The following DCK variants were observed in gnomAD, a reference collection of about 807,000 sequenced individuals.
DCK encodes the protein deoxyadenosine kinase.
In DCK, 23 loss-of-function variants were observed where a neutral mutation model predicts 38.3. The observed-to-expected ratio is 0.60, with a 90% CI of 0.43 to 0.85. The LOEUF is 0.85. DCK is among the 40% of genes least tolerant of loss of function. The probability of loss-of-function intolerance (pLI) is 0.00; values close to 1 mark genes in which losing one functional copy is unlikely to be tolerated. For synonymous variants in DCK, 108 were observed against 100.6 expected (o/e 1.07, Z -0.44); for missense variants, 259 against 304.4 (o/e 0.85, Z 1.11).
chr4:71,025,036 TTGTA>T (rs1740513115), intron 4 of DCK, among the ~76,000 whole-genome samples: 3 of 152,050 alleles, frequency 2.0e-5, no homozygotes, highest in Admixed American at 1.3e-4. Flanking sequence ...GAAACACAGT[TTGTA>T]TGCTGCCATG....
At chr4:71,013,930 G>A (rs1172068153) in intron 2 of DCK, among the ~76,000 whole-genome samples, 1 of 152,096 alleles carries the variant, frequency 6.6e-6, no homozygotes, top group Non-Finnish European at 1.5e-5. Flanking sequence ...AAATGTAAAT[G>A]GGCTAAATAC....
chr4:71,009,482 T>G (rs946615244), intron 2 of DCK, among the ~76,000 whole-genome samples: 1 of 152,252 alleles, frequency 6.6e-6, no homozygotes, highest in Non-Finnish European at 1.5e-5. Flanking sequence ...TAAGACTTAA[T>G]GGCTTTCTGA....
intron 2 of DCK, among the ~76,000 whole-genome samples, chr4:71,013,793 C>A (rs1740166660): frequency 6.6e-6 from 1 of 152,172 alleles, no homozygotes; most frequent in Non-Finnish European, 1.5e-5. Flanking sequence ...CGGTACCAGC[C>A]ACTGCAAAAA....
In DCK at chr4:70,993,867, C is replaced by T. The variant is rs1401813706; in HGVS notation, c.32C>T (p.Ser11Phe). 6.2e-7 allele frequency: 1 copy of T among 1,614,000 alleles called. No individual in the cohort carries two copies. Among genetic ancestry groups the T allele is most frequent in the Non-Finnish European group, 8.5e-7 (1 of 1,179,892 alleles). Residue 11 changes from serine to phenylalanine, a missense_variant, in exon 1 of 7, where the codon TCT becomes TTT. Ser to Phe is a radical substitution (Grantham distance 155). Around this residue, in one of 3 missense-constraint regions of DCK, gnomAD observed 159 missense variants for 159.0 expected, o/e 1.00. Transcript: ENST00000286648. Reference protein sequence around the residue: MATPPKRSCPSFSASSEGTRI... With the variant: MATPPKRSCPFFSASSEGTRI... Reference sequence around the variant, plus strand: ...ACCCCGCCCAAGAGAAGCTGCCCGTCTTTCTCAGCCAGCTCTGAGGGGACC... The same window carrying T: ...ACCCCGCCCAAGAGAAGCTGCCCGTTTTTCTCAGCCAGCTCTGAGGGGACC...
intron 2 of DCK, among the ~76,000 whole-genome samples, chr4:71,001,507 T>A (rs1739800173): frequency 6.6e-6 from 1 of 152,160 alleles, no homozygotes; most frequent in African/African-American, 2.4e-5. Context: ...CCTCAAAAAA[T>A]GAGTTAGGGA....
chr4:71,023,413 G>A, intron 3 of DCK, 146 bp from the exon 4 acceptor site: 2 of 578,558 alleles, frequency 3.5e-6, no homozygotes, highest in South Asian at 5.3e-5. Context: ...CCAAAAACAT[G>A]ATGGAAAGAC....
chr4:71,006,448 G>A (rs1356914878), intron 2 of DCK: 1 of 183,656 alleles, frequency 5.4e-6, no homozygotes, highest in Non-Finnish European at 1.0e-5. Context: ...GCCAGGTGTG[G>A]TGGTTTATGC....
At position 71,017,392 on chromosome 4, in the gene DCK, C is replaced by G. The variant is rs558856100; in HGVS notation, c.208-4975C>G. Among the ~76,000 whole-genome samples, 40 of 152,246 alleles carry G rather than the reference C, an allele frequency of 2.6e-4. No individual in the cohort carries two copies. The East Asian group carries it at 7.2e-3, about 27-fold the overall frequency. On this transcript the variant is annotated intron_variant, in intron 2 of 6. Coordinates refer to ENST00000286648, the MANE Select transcript of DCK (RefSeq NM_000788.3). ...GTGGTGATTCCTCAAGGATCTAGAA[C>G]TAGAAATACCATTTGACCCAGCCAT...
chr4:71,024,838 T>C (rs962772152), intron 4 of DCK, among the ~76,000 whole-genome samples: 1 of 152,100 alleles, frequency 6.6e-6, no homozygotes. Context: ...TTAGCAAATA[T>C]AATAATTTTG....
At chr4:71,015,935 T>C (rs1740250780) in intron 2 of DCK, among the ~76,000 whole-genome samples, 2 of 152,056 alleles carry the variant, frequency 1.3e-5, no homozygotes, top group African/African-American at 4.8e-5. Context: ...CTGGCCAGGG[T>C]AATCAGGTAG....
At chr4:70,994,867 G>A (rs963394177) in intron 1 of DCK, among the ~76,000 whole-genome samples, 1 of 152,136 alleles carries the variant, frequency 6.6e-6, no homozygotes, top group African/African-American at 2.4e-5. Flanking sequence ...CTGTCACTTT[G>A]CAAGATACAC....
In DCK at chr4:71,030,836, A is replaced by G. The variant is rs1031176801; in HGVS notation, c.*1458A>G. 3.3e-5 allele frequency: 5 copies of G among 151,842 alleles called. No individual in the cohort carries two copies. Among genetic ancestry groups the G allele is most frequent in the African/African-American group, 1.2e-4 (5 of 41,120 alleles). The allele number at this position is 151,842 out of a possible 1,614,324, so 9.4% of individuals were successfully genotyped here. A position where few individuals can be genotyped will look rare whatever the true frequency, so the allele number is the denominator to read the frequency against. ...TCAGTGATTTTTAGTAACCTTTAAA[A>G]ATGTATAATGACTTTTAAAATTTGT... On this transcript the variant is annotated 3_prime_UTR_variant, in exon 7 of 7. Coordinates refer to ENST00000286648, the MANE Select transcript of DCK (RefSeq NM_000788.3).
At chr4:71,022,960 C>G (rs753313064) in intron 3 of DCK, among the ~76,000 whole-genome samples, 7 of 152,136 alleles carry the variant, frequency 4.6e-5, no homozygotes, top group Non-Finnish European at 8.8e-5. Flanking sequence ...TTCTTTTGAC[C>G]TCCAAAGTTA....
intron 2 of DCK, among the ~76,000 whole-genome samples, chr4:71,009,843 A>G (rs1039190479): frequency 4.6e-5 from 7 of 151,968 alleles, no homozygotes; most frequent in African/African-American, 1.7e-4. Context: ...ATCTTTGGAT[A>G]TTTTCTTCCA....
At chr4:70,994,046 G>T in intron 1 of DCK, 120 bp downstream of exon 1, 1 of 770,866 alleles carries the variant, frequency 1.3e-6, no homozygotes. Context: ...GCCTGGCGGT[G>T]TGGACGCGGC....
Position 71,022,377 on chromosome 4 carries a change from T to C in DCK, c.218T>C (p.Met73Thr). ...STQDEFEELT[M>T]SQKNGGNVLQ... is the part of the protein sequence containing the mutation. ...GCACATTCAAAATAGGAACTTACAA[T>C]GTCTCAGAAAAATGGTGGGAATGTT... Residue 73 changes from methionine to threonine, a missense_variant, in exon 3 of 7, where the codon ATG (methionine) becomes ACG (threonine). Physicochemically the swap from Met to Thr is moderately conservative, Grantham distance 81 (BLOSUM62 -1). This residue lies in a region of DCK where 159 missense variants were observed against 159.0 expected (regional missense o/e 1.00). Transcript: ENST00000286648. The C allele has an allele frequency of 6.6e-7, 1 of 1,518,710 alleles. No homozygotes were observed. The highest frequency in any genetic ancestry group is 8.8e-7 in the Non-Finnish European group (1 of 1,132,508). The allele number at this position is 1,518,710 out of a possible 1,614,324, so 94.1% of individuals were successfully genotyped here. A position where few individuals can be genotyped will look rare whatever the true frequency, so the allele number is the denominator to read the frequency against.
chr4:71,000,443 G>C (rs1001668622), intron 2 of DCK, among the ~76,000 whole-genome samples: 2 of 152,208 alleles, frequency 1.3e-5, no homozygotes, highest in African/African-American at 4.8e-5. Context: ...ATAGTTTGAA[G>C]TCAGGTAGCA....
chr4:71,001,992 T>TTAAC (rs1378056698), intron 2 of DCK, among the ~76,000 whole-genome samples: 1 of 152,180 alleles, frequency 6.6e-6, no homozygotes, highest in Non-Finnish European at 1.5e-5. Context: ...CTGATCTTAG[T>TTAAC]TATTTCTTGT....
At chr4:71,008,986 T>TG (rs1560682431) in intron 2 of DCK, among the ~76,000 whole-genome samples, 1 of 152,076 alleles carries the variant, frequency 6.6e-6, no homozygotes, top group East Asian at 1.9e-4. Context: ...GAGGGGAAGA[T>TG]GAAGAGGAGT....
Sources: allele counts gnomAD v4.1 joint callset (sites outside exome capture counted in the v4.1 genomes callset), GRCh38; gene constraint gnomAD v4.1.1; regional missense constraint gnomAD v4.1.1; transcripts MANE v1.5; gene names NCBI Gene and HGNC (gene_info 2026-07-23, HGNC 2026-07-21).